Variants in USP3 observed in about 807,000 individuals in gnomAD.
The protein encoded by USP3 is ubiquitin carboxyl-terminal hydrolase 3.
In USP3, 20 loss-of-function variants were observed where a neutral mutation model predicts 72.3. The ratio of observed to expected loss-of-function variants is 0.28; its 90% CI spans 0.19 to 0.40. USP3 has a LOEUF of 0.40. Ranked by LOEUF, USP3 falls within the 10% of genes least tolerant of loss-of-function variation. The probability of loss-of-function intolerance (pLI) is 1.00; values close to 1 mark genes in which losing one functional copy is unlikely to be tolerated. For synonymous variants in USP3, 222 were observed against 225.3 expected, an observed-to-expected ratio of 0.99 and a Z score of 0.13; for missense variants, 479 against 633.9, an observed-to-expected ratio of 0.76 and a Z score of 2.62.
intron 1 of USP3, among the ~76,000 whole-genome samples, chr15:63,526,248 T>C (rs2065980180): frequency 6.6e-6 from 1 of 152,236 alleles, no homozygotes; most frequent in South Asian, 2.1e-4. Context: ...TGTTATCTTT[T>C]TAAAACAAAA....
At chr15:63,533,124 C>CT (rs142913014) in intron 2 of USP3, among the ~76,000 whole-genome samples, 19,206 of 152,048 alleles carry the variant, frequency 0.13, 1,683 homozygotes, top group South Asian at 0.2. Context: ...ACATGGCAAT[C>CT]TTTTTTCACC....
At chr15:63,533,870 C>T in intron 2 of USP3, 1 of 1,225,486 alleles carries the variant, frequency 8.2e-7, no homozygotes, top group African/African-American at 1.6e-5. Context: ...AGTAGAAGCA[C>T]TTAAATTCTG....
At chr15:63,562,744 C>A in intron 7 of USP3, 151 bp from the exon 8 acceptor site, 1 of 518,452 alleles carries the variant, frequency 1.9e-6, no homozygotes. Context: ...TTTTGAGATG[C>A]TCTTATGTAT....
In USP3 at chr15:63,544,890, C is replaced by T. The variant is rs1442655919; in HGVS notation, c.284+7734C>T. ...TCAAATACTATACTTAGTTCAGTTA[C>T]AGATAGCTATGGAATTGAAAGTTTC... On this transcript the variant is annotated intron_variant, in intron 3 of 14. Transcript: ENST00000380324. The surrounding 1 kb of genome is among the most constrained non-coding windows in gnomAD (Gnocchi z 4.2). Among the ~76,000 whole-genome samples the T allele has an allele frequency of 6.6e-6, 1 of 151,904 alleles. No homozygotes were observed. The highest frequency in any genetic ancestry group is 1.5e-5 in the Non-Finnish European group (1 of 67,980).
chr15:63,529,194 T>C lies in USP3; in HGVS notation c.92-3453T>C. 1.9e-6 allele frequency: 1 copy of C among 537,920 alleles called. No homozygotes were observed. The highest frequency in any genetic ancestry group is 3.2e-6 in the Non-Finnish European group (1 of 313,572). 33.3% of individuals were successfully genotyped at this position (537,920 alleles called of 1,614,324 possible). A position where few individuals can be genotyped will look rare whatever the true frequency, so the allele number is the denominator to read the frequency against. The stretch of plus-strand genomic sequence containing the variant: ...AGTAAAGTGGTTTTTTTTTTTTTCT[T>C]TTTTTTGAGATATATTAAAAGGCAC... On this transcript the variant is annotated intron_variant, in intron 1 of 14. Coordinates refer to ENST00000380324, the MANE Select transcript of USP3 (RefSeq NM_006537.4). The surrounding 1 kb of genome is among the most constrained non-coding windows in gnomAD (Gnocchi z 4.2).
intron 1 of USP3, among the ~76,000 whole-genome samples, chr15:63,515,781 T>C (rs981040185): frequency 2.0e-5 from 3 of 152,210 alleles, no homozygotes; most frequent in African/African-American, 7.2e-5. Flanking sequence ...GTAATACACA[T>C]TTCTGAAATA....
At chr15:63,540,250 A>T (rs1032639894) in intron 3 of USP3, among the ~76,000 whole-genome samples, 40 of 152,104 alleles carry the variant, frequency 2.6e-4, no homozygotes, top group Non-Finnish European at 2.8e-4. Context: ...GCAATCCTTT[A>T]TGAAGTTATC....
chr15:63,547,745 G>GA (rs2066355336), intron 3 of USP3, among the ~76,000 whole-genome samples: 1 of 8,546 alleles, frequency 1.2e-4, no homozygotes, highest in African/African-American at 6.7e-4. Context: ...AGAGAGAGAG[G>GA]GAGGGAGGGA....
In USP3 at chr15:63,593,090, A is replaced by G. The variant is rs1345317188; in HGVS notation, c.*2264A>G. 1 of 152,208 alleles carries G rather than the reference A, an allele frequency of 6.6e-6. No homozygotes were observed. Among genetic ancestry groups the G allele is most frequent in the African/African-American group, 2.4e-5 (1 of 41,452 alleles). 9.4% of individuals were successfully genotyped at this position (152,208 alleles called of 1,614,324 possible). On this transcript the variant is annotated 3_prime_UTR_variant, in exon 15 of 15. Coordinates refer to ENST00000380324, the MANE Select transcript of USP3 (RefSeq NM_006537.4). ...TAGGACAATGCTGGTCTAAATTTTC[A>G]CTCCAAAGAATAAAACTTTGCCATC...
At chr15:63,589,836 C>T (rs1347317357) in intron 14 of USP3, among the ~76,000 whole-genome samples, 11 of 152,126 alleles carry the variant, frequency 7.2e-5, no homozygotes, top group Admixed American at 7.2e-4. Flanking sequence ...TCCAAATCAC[C>T]AATTTGGGTT....
At position 63,589,052 on chromosome 15, in the gene USP3, G is replaced by C. The variant is rs1241759666; in HGVS notation, c.1397+41G>C. Reference sequence around the variant, plus strand: ...AGCTTCTGGTGGGTGGGAATACCTGGTGGCCAGCCCAATGACCTGCAGTTT... The same window carrying C: ...AGCTTCTGGTGGGTGGGAATACCTGCTGGCCAGCCCAATGACCTGCAGTTT... On this transcript the variant is annotated intron_variant, in intron 14 of 14. Coordinates refer to ENST00000380324, the MANE Select transcript of USP3 (RefSeq NM_006537.4). 5 of 1,608,224 alleles carry C rather than the reference G, an allele frequency of 3.1e-6. No individual in the cohort carries two copies. In the African/African-American group the frequency reaches 6.7e-5, roughly 22 times the overall value.
intron 3 of USP3, among the ~76,000 whole-genome samples, chr15:63,543,854 G>T (rs1427754747): frequency 6.6e-6 from 1 of 152,056 alleles, no homozygotes; most frequent in Non-Finnish European, 1.5e-5. Flanking sequence ...AAGATGATAG[G>T]AAGTATGAAT....
At chr15:63,541,412 A>C (rs1322887190) in intron 3 of USP3, among the ~76,000 whole-genome samples, 1 of 152,190 alleles carries the variant, frequency 6.6e-6, no homozygotes, top group Non-Finnish European at 1.5e-5. Flanking sequence ...TGATGTTCTT[A>C]TAAACGATTT....
chr15:63,586,996 G>A (rs915120902), intron 11 of USP3, among the ~76,000 whole-genome samples: 2 of 152,162 alleles, frequency 1.3e-5, no homozygotes, highest in Non-Finnish European at 2.9e-5. Context: ...CTGAAGGGGC[G>A]CTGTCTGCTA....
chr15:63,564,772 G>A (rs780048098), intron 8 of USP3, among the ~76,000 whole-genome samples: 36 of 152,324 alleles, frequency 2.4e-4, no homozygotes, highest in Admixed American at 3.9e-4. Flanking sequence ...GGGTGCTTTT[G>A]TATTCTTAGC....
chr15:63,523,882 G>A (rs1295485509), intron 1 of USP3, among the ~76,000 whole-genome samples: 1 of 152,168 alleles, frequency 6.6e-6, no homozygotes, highest in African/African-American at 2.4e-5. Flanking sequence ...TTCCTAGAAT[G>A]CTTATTAAGT....
At chr15:63,545,170 T>C (rs2066301701) in intron 3 of USP3, among the ~76,000 whole-genome samples, 1 of 152,220 alleles carries the variant, frequency 6.6e-6, no homozygotes, top group South Asian at 2.1e-4. Flanking sequence ...TTTGAAATAA[T>C]TTTCAAGCTG....
chr15:63,532,556 A>T lies in USP3; in HGVS notation c.92-91A>T. ...GCAACTTCAGCATTCCTACATAGCC[A>T]TGGAATTTATAACTTAATCACAGGA... On this transcript the variant is annotated intron_variant, in intron 1 of 14. Coordinates refer to ENST00000380324, the MANE Select transcript of USP3 (RefSeq NM_006537.4). 2.7e-6 allele frequency: 4 copies of T among 1,477,308 alleles called. 1 individual carries two copies. The highest frequency in any genetic ancestry group is 2.3e-5 in the South Asian group (2 of 87,966). The allele number at this position is 1,477,308 out of a possible 1,614,324, so 91.5% of individuals were successfully genotyped here.
intron 3 of USP3, among the ~76,000 whole-genome samples, chr15:63,539,980 C>T (rs55657486): frequency 5.9e-5 from 9 of 152,250 alleles, no homozygotes; most frequent in Non-Finnish European, 1.0e-4. Context: ...GTTGTTTCCT[C>T]GTGCCCGTTA....
Sources: gnomAD v4.1 joint callset for allele counts (sites outside exome capture counted in the v4.1 genomes callset) on GRCh38, gnomAD v4.1.1 for gene constraint, Gnocchi (gnomAD v3.1) non-coding constraint, MANE v1.5 for transcripts, NCBI Gene and HGNC (gene_info 2026-07-23, HGNC 2026-07-21) for gene names.